Variants in MAL2 observed in about 807,000 individuals in gnomAD.
MAL2 encodes the protein protein MAL2.
A neutral mutation model predicts 18.1 loss-of-function variants in MAL2; 17 were observed. The ratio of observed to expected loss-of-function variants is 0.94; its 90% CI spans 0.64 to 1.41. The LOEUF is 1.41. Ranked by LOEUF, MAL2 falls within the 40% of genes most tolerant of loss-of-function variation. The pLI is 0.00. For missense variants in MAL2, 222 were observed against 231.9 expected, an observed-to-expected ratio of 0.96 and a Z score of 0.28; for synonymous variants, 102 against 102.3, an observed-to-expected ratio of 1.00 and a Z score of 0.02.
At chr8:119,220,611 CAGT>C (rs1817447380) in intron 1 of MAL2, among the ~76,000 whole-genome samples, 1 of 152,188 alleles carries the variant, frequency 6.6e-6, no homozygotes, top group Non-Finnish European at 1.5e-5. Flanking sequence ...GTCTCCAGTA[CAGT>C]TCTCTCCGTT....
In MAL2 at chr8:119,208,514, C is replaced by T. The variant is rs1481393937; in HGVS notation, c.42C>T (p.Pro14=). Residue 14 remains proline, a synonymous_variant, in exon 1 of 4, where the codon CCC becomes CCT. Coordinates refer to ENST00000614891, the MANE Select transcript of MAL2 (RefSeq NM_052886.3). The surrounding 1 kb of genome is among the most constrained non-coding windows in gnomAD (Gnocchi z 4.3). The part of the protein sequence containing the change: ...GGASVPPPPN[P]AVSFPPPRVT... ...CGTCAGTCCCGCCGCCCCCGAACCC[C>T]GCCGTGTCCTTCCCGCCGCCCCGGG... 1.7e-5 allele frequency: 23 copies of T among 1,368,644 alleles called. No homozygotes were observed. The highest frequency in any genetic ancestry group is 2.1e-5 in the Non-Finnish European group (22 of 1,057,156). 84.8% of individuals were successfully genotyped at this position (1,368,644 alleles called of 1,614,324 possible). A position where few individuals can be genotyped will look rare whatever the true frequency, so the allele number is the denominator to read the frequency against.
In MAL2 at chr8:119,240,142, A is replaced by T. The variant is rs750121224; in HGVS notation, c.304-23A>T. The stretch of plus-strand genomic sequence containing the variant: ...GAAAAATATTTTTTTTTAATTGCAG[A>T]TGTCTTTTCTCTCCTCTTTTAGGAT... On this transcript the variant is annotated intron_variant, in intron 2 of 3. Coordinates refer to ENST00000614891, the MANE Select transcript of MAL2 (RefSeq NM_052886.3). The T allele has an allele frequency of 2.5e-6, 4 of 1,600,866 alleles. No homozygotes were observed. In the African/African-American group the frequency reaches 4.0e-5, roughly 16 times the overall value.
intron 3 of MAL2, among the ~76,000 whole-genome samples, chr8:119,241,384 T>G (rs1818044678): frequency 6.6e-6 from 1 of 151,992 alleles, no homozygotes; most frequent in Non-Finnish European, 1.5e-5. Flanking sequence ...AAAAACAGAA[T>G]AAAGAATTGG....
chr8:119,216,381 A>G (rs1012367792), intron 1 of MAL2, among the ~76,000 whole-genome samples: 1 of 152,206 alleles, frequency 6.6e-6, no homozygotes, highest in African/African-American at 2.4e-5. Context: ...CTTATTAACT[A>G]TATAACTAGG....
At chr8:119,230,947 A>G (rs1195075478) in intron 2 of MAL2, among the ~76,000 whole-genome samples, 2 of 152,248 alleles carry the variant, frequency 1.3e-5, no homozygotes, top group African/African-American at 4.8e-5. Context: ...GTTATTTAAT[A>G]GAAAGCACAC....
chr8:119,229,021 C>G (rs553268370), intron 2 of MAL2, among the ~76,000 whole-genome samples: 1 of 152,256 alleles, frequency 6.6e-6, no homozygotes, highest in South Asian at 2.1e-4. Context: ...TCCATGGCCA[C>G]TTTCTCTGAC....
At chr8:119,234,902 C>T (rs1817842162) in intron 2 of MAL2, among the ~76,000 whole-genome samples, 1 of 152,042 alleles carries the variant, frequency 6.6e-6, no homozygotes, top group Non-Finnish European at 1.5e-5. Flanking sequence ...CACAGAGCAC[C>T]TCTCCTCCTC....
chr8:119,241,784 A>C (rs1587147632), intron 3 of MAL2, among the ~76,000 whole-genome samples: 1 of 151,842 alleles, frequency 6.6e-6, no homozygotes, highest in African/African-American at 2.4e-5. Context: ...TGACTTTAAC[A>C]CTTGCTTATA....
In MAL2 at chr8:119,243,575, C is replaced by G; in HGVS notation, c.*87C>G. On this transcript the variant is annotated 3_prime_UTR_variant, in exon 4 of 4. Transcript: ENST00000614891. ...ATTTGGATACCATTTTGTCCAGATG[C>G]AAAAACATTCCAAAAGTAATGTGTT... The G allele has an allele frequency of 1.7e-6, 2 of 1,180,662 alleles. No homozygotes were observed. The highest frequency in any genetic ancestry group is 2.9e-5 in the Admixed American group (1 of 34,016). 73.1% of individuals were successfully genotyped at this position (1,180,662 alleles called of 1,614,324 possible). A position where few individuals can be genotyped will look rare whatever the true frequency, so the allele number is the denominator to read the frequency against.
chr8:119,234,251 C>T lies in MAL2; in HGVS notation c.304-5914C>T, dbSNP rs562090927. Among the ~76,000 whole-genome samples, 55 of 152,224 alleles carry T rather than the reference C, an allele frequency of 3.6e-4. 1 individual carries two copies. The highest frequency in any genetic ancestry group is 8.7e-4 in the African/African-American group (36 of 41,530). On this transcript the variant is annotated intron_variant, in intron 2 of 3. Transcript: ENST00000614891. ...CACCCGAATATTGCACTTTTCAGAC[C>T]GGCTTAAAAAACGGCGCACCACGAG...
intron 3 of MAL2, among the ~76,000 whole-genome samples, chr8:119,241,829 CTAAAACCCCAATAAATCTAGAAGA>C (rs1818054025): frequency 6.6e-6 from 1 of 152,084 alleles, no homozygotes; most frequent in Non-Finnish European, 1.5e-5. Context: ...CAATTCTTAC[CTAAAACCCCAATAAATCTAGAAGA>C]TAAAAGTGTA....
chr8:119,239,760 G>T (rs1818005956), intron 2 of MAL2, among the ~76,000 whole-genome samples: 1 of 150,536 alleles, frequency 6.6e-6, no homozygotes, highest in Non-Finnish European at 1.5e-5. Flanking sequence ...TCACACTCTG[G>T]GGACTGTTGT....
At chr8:119,229,094 C>T (rs1817654572) in intron 2 of MAL2, among the ~76,000 whole-genome samples, 1 of 152,084 alleles carries the variant, frequency 6.6e-6, no homozygotes, top group Non-Finnish European at 1.5e-5. Context: ...CAAAGGATTG[C>T]TAACATCAAC....
intron 1 of MAL2, among the ~76,000 whole-genome samples, chr8:119,217,754 C>A (rs1459144191): frequency 1.3e-5 from 2 of 152,114 alleles, no homozygotes; most frequent in African/African-American, 4.8e-5. Flanking sequence ...TCAGATTTAA[C>A]CATTTTTGTG....
chr8:119,229,978 C>T (rs923806562), intron 2 of MAL2, among the ~76,000 whole-genome samples: 11 of 152,106 alleles, frequency 7.2e-5, no homozygotes, highest in African/African-American at 2.4e-4. Flanking sequence ...TCATATGTGC[C>T]CTTCCCATCA....
intron 1 of MAL2, among the ~76,000 whole-genome samples, chr8:119,213,218 CA>C (rs1226686560): frequency 6.6e-6 from 1 of 152,126 alleles, no homozygotes; most frequent in Non-Finnish European, 1.5e-5. Context: ...GCCAGAAAAA[CA>C]AATGTTAATG....
chr8:119,230,161 T>C (rs1241984806), intron 2 of MAL2, among the ~76,000 whole-genome samples: 1 of 152,212 alleles, frequency 6.6e-6, no homozygotes, highest in Non-Finnish European at 1.5e-5. Context: ...TGCAGGTTAC[T>C]AGAGGCTCTA....
At chr8:119,219,216 C>A (rs966467157) in intron 1 of MAL2, among the ~76,000 whole-genome samples, 2 of 130,468 alleles carry the variant, frequency 1.5e-5, no homozygotes, top group Non-Finnish European at 3.0e-5. Context: ...AGGTATACAC[C>A]ACAACTATAC....
At chr8:119,223,499 T>A (rs889999903) in intron 2 of MAL2, 2 of 152,234 alleles carry the variant, frequency 1.3e-5, no homozygotes, top group African/African-American at 4.8e-5. Flanking sequence ...TTATATCTGA[T>A]GTTCAGAAAA....
Sources: gnomAD v4.1 joint callset for allele counts (sites outside exome capture counted in the v4.1 genomes callset) on GRCh38, gnomAD v4.1.1 for gene constraint, Gnocchi (gnomAD v3.1) non-coding constraint, MANE v1.5 for transcripts, NCBI Gene and HGNC (gene_info 2026-07-23, HGNC 2026-07-21) for gene names.